PCDHA1: variants seen among roughly 807,000 people sequenced by gnomAD.
The protein encoded by PCDHA1 is protocadherin alpha-1.
PCDHA1 carries 42 observed loss-of-function variants against 61.3 expected under a neutral mutation model. The observed-to-expected ratio is 0.69, with a 90% CI of 0.54 to 0.89. PCDHA1 has a LOEUF of 0.89. Among genes scored for constraint, PCDHA1 ranks in the 40% least tolerant of loss-of-function variants. PCDHA1 has a pLI of 0.00. For synonymous variants in PCDHA1, 610 were observed against 553.8 expected (o/e 1.10, Z -1.43); for missense variants, 1,256 against 1,235.3 (o/e 1.02, Z -0.25).
chr5:140,963,483 T>C (rs1228943699), intron 1 of PCDHA1, among the ~76,000 whole-genome samples: 1 of 152,246 alleles, frequency 6.6e-6, no homozygotes, highest in Non-Finnish European at 1.5e-5. Flanking sequence ...GGTAAATCTC[T>C]TGTGAGGAAA....
chr5:140,827,934 A>G (rs2150149860), intron 1 of PCDHA1: 1 of 1,010,264 alleles, frequency 9.9e-7, no homozygotes, highest in Admixed American at 2.3e-5. Flanking sequence ...ATGAAGTTAT[A>G]GCTAGCCAAC....
chr5:140,821,753 C>T lies in PCDHA1; in HGVS notation c.2394+33069C>T, dbSNP rs2150110415. On this transcript the variant is annotated intron_variant, in intron 1 of 3. Transcript: ENST00000504120. The stretch of plus-strand genomic sequence containing the variant: ...CATTGTGTGGTGATGCAATAGAAAG[C>T]TCATAATTGGAACGAGATTGAGATG... The T allele has an allele frequency of 2.2e-3, 3,464 of 1,581,302 alleles. 58 individuals are homozygous for T. The African/African-American group carries it at 0.039, about 18-fold the overall frequency.
chr5:140,842,784 C>A (rs1285950480), intron 1 of PCDHA1: 4 of 1,594,370 alleles, frequency 2.5e-6, no homozygotes, highest in Non-Finnish European at 3.4e-6. Context: ...CAGGAGAACG[C>A]GCTGGTGTCC....
intron 1 of PCDHA1, chr5:140,883,813 C>CA (rs2059834466): frequency 6.2e-7 from 1 of 1,612,382 alleles, no homozygotes; most frequent in Non-Finnish European, 8.5e-7. Context: ...CGGAGAGCGG[C>CA]AAGGTGTACG....
At chr5:140,840,905 T>C (rs1776936709) in intron 1 of PCDHA1, among the ~76,000 whole-genome samples, 1 of 151,998 alleles carries the variant, frequency 6.6e-6, no homozygotes, top group Non-Finnish European at 1.5e-5. Flanking sequence ...ATACAGGTCA[T>C]ACTTAAATTT....
intron 1 of PCDHA1, among the ~76,000 whole-genome samples, chr5:140,932,017 G>GT (rs1385498128): frequency 2.6e-5 from 4 of 151,792 alleles, no homozygotes; most frequent in African/African-American, 9.7e-5. Context: ...TTAGTTTACG[G>GT]TAAGTTTACA....
intron 3 of PCDHA1, among the ~76,000 whole-genome samples, chr5:141,008,882 A>G (rs2098393885): frequency 6.6e-6 from 1 of 152,170 alleles, no homozygotes; most frequent in Non-Finnish European, 1.5e-5. Flanking sequence ...ACCACCCTTC[A>G]ATGTTATTAC....
chr5:140,869,878 A>T, intron 1 of PCDHA1: 1 of 1,610,122 alleles, frequency 6.2e-7, no homozygotes, highest in Non-Finnish European at 8.5e-7. Flanking sequence ...TGCTAAAGAA[A>T]CTCTTGTGCT....
chr5:140,889,679 C>A (rs968181758), intron 1 of PCDHA1, among the ~76,000 whole-genome samples: 4 of 152,026 alleles, frequency 2.6e-5, no homozygotes, highest in Admixed American at 6.6e-5. Flanking sequence ...TTATTTTAAA[C>A]CTTTTAGTAT....
At chr5:140,882,016 A>C (rs1403488174) in intron 1 of PCDHA1, 1 of 543,846 alleles carries the variant, frequency 1.8e-6, no homozygotes, top group Non-Finnish European at 3.0e-6. Flanking sequence ...AAAAAATACT[A>C]CATCAATGGA....
intron 1 of PCDHA1, chr5:140,877,065 G>T (rs782807909): frequency 6.2e-7 from 1 of 1,613,044 alleles, no homozygotes; most frequent in Non-Finnish European, 8.5e-7. Flanking sequence ...TGGAGCTGCT[G>T]CAGTTCCAGG....
chr5:140,908,490 G>A (rs149646315), intron 1 of PCDHA1, among the ~76,000 whole-genome samples: 2 of 152,140 alleles, frequency 1.3e-5, no homozygotes, highest in Admixed American at 6.5e-5. Context: ...GGCAGTTCAG[G>A]TTGCTTGGTG....
At chr5:140,795,588 T>G (rs1554119503) in intron 1 of PCDHA1, 2 of 1,614,234 alleles carry the variant, frequency 1.2e-6, no homozygotes, top group South Asian at 2.2e-5. Flanking sequence ...CTGCTGAGGT[T>G]AATTTGTTAC....
In PCDHA1 at chr5:140,845,401, T is replaced by C. The variant is rs1326186010; in HGVS notation, c.2394+56717T>C. On this transcript the variant is annotated intron_variant, in intron 1 of 3. Transcript: ENST00000504120. Reference sequence around the variant, plus strand: ...GGAGGATTCTTTCCACCACCTAGCATTGTATTTGGCAATTTATCATTTAAG... The same window carrying C: ...GGAGGATTCTTTCCACCACCTAGCACTGTATTTGGCAATTTATCATTTAAG... Among the ~76,000 whole-genome samples, 3 of 149,536 alleles carry C rather than the reference T, an allele frequency of 2.0e-5. 1 individual carries two copies. The highest frequency in any genetic ancestry group is 1.5e-5 in the Non-Finnish European group (1 of 66,828).
chr5:140,801,326 C>T (rs782180915), intron 1 of PCDHA1: 13 of 1,613,174 alleles, frequency 8.1e-6, no homozygotes, highest in Non-Finnish European at 1.1e-5. Flanking sequence ...AGCATGGCAC[C>T]TTCGTGGGCC....
intron 1 of PCDHA1, chr5:140,884,567 A>T (rs1562807924): frequency 6.2e-7 from 1 of 1,614,120 alleles, no homozygotes; most frequent in Non-Finnish European, 8.5e-7. Context: ...CCCGCATAAG[A>T]CGGACCTCAT....
At chr5:140,842,201 A>G (rs2150331632) in intron 1 of PCDHA1, 2 of 1,613,740 alleles carry the variant, frequency 1.2e-6, no homozygotes, top group East Asian at 2.2e-5. Context: ...TGACCACTTT[A>G]GCATAGATCG....
In PCDHA1 at chr5:140,796,467, G is replaced by A. The variant is rs144556236; in HGVS notation, c.2394+7783G>A. ...CGCTGGTGGAGCGGCGGGTGGGCGA[G>A]CGCGCGTTGTCGAGCTACGTTTCGG... On this transcript the variant is annotated intron_variant, in intron 1 of 3. Coordinates refer to ENST00000504120, the MANE Select transcript of PCDHA1 (RefSeq NM_018900.4). 11 of 1,612,242 alleles carry A rather than the reference G, an allele frequency of 6.8e-6. No individual in the cohort carries two copies. The African/African-American group carries it at 1.5e-4, about 21-fold the overall frequency.
intron 1 of PCDHA1, chr5:140,926,550 C>A (rs1235832737): frequency 1.7e-5 from 4 of 233,488 alleles, no homozygotes; most frequent in Admixed American, 5.6e-5. Context: ...TGGTCGAGAC[C>A]CCAGCCCGCT....
Sources: gnomAD v4.1 joint callset for allele counts (sites outside exome capture counted in the v4.1 genomes callset) on GRCh38, gnomAD v4.1.1 for gene constraint, MANE v1.5 for transcripts, NCBI Gene and HGNC (gene_info 2026-07-23, HGNC 2026-07-21) for gene names.